KDM4C: variants seen among roughly 807,000 people sequenced by gnomAD.
KDM4C encodes lysine demethylase 4C.
A neutral mutation model predicts 129.3 loss-of-function variants in KDM4C; 81 were observed. The ratio of observed to expected loss-of-function variants is 0.63; its 90% CI spans 0.52 to 0.75. KDM4C has a LOEUF of 0.75. Ranked by LOEUF, KDM4C falls within the 30% of genes least tolerant of loss-of-function variation. The pLI, the probability that KDM4C is intolerant of heterozygous loss-of-function variation, is 0.00. For missense variants in KDM4C, 1,457 were observed against 1,304.0 expected (o/e 1.12, Z -1.81); for synonymous variants, 573 against 456.1 (o/e 1.26, Z -3.26).
At chr9:6,853,432 G>A (rs999000126) in intron 5 of KDM4C, among the ~76,000 whole-genome samples, 1 of 152,174 alleles carries the variant, frequency 6.6e-6, no homozygotes, top group Non-Finnish European at 1.5e-5. Flanking sequence ...GGTCAAGGCT[G>A]CAGTGATCCG....
intron 17 of KDM4C, among the ~76,000 whole-genome samples, chr9:7,069,351 T>C (rs1832888158): frequency 6.6e-6 from 1 of 152,200 alleles, no homozygotes; most frequent in Non-Finnish European, 1.5e-5. Flanking sequence ...CATATTTAAT[T>C]GCCAGGAAAG....
In KDM4C at chr9:6,986,491, A is replaced by T; in HGVS notation, c.1502A>T (p.Asp501Val). ...GGCTATGAGAAGCCCGAGAAATCAG[A>T]CCCATCCGAGCTTTCATGGCCAAAG... ...SSGYEKPEKSDPSELSWPKSP... is the reference protein window; with the variant it reads ...SSGYEKPEKSVPSELSWPKSP... Residue 501 changes from aspartate (D) to valine (V), a missense_variant, in exon 11 of 22, where the codon GAC becomes GTC. Asp to Val is a radical substitution (Grantham distance 152). Transcript: ENST00000381309. 6.2e-7 allele frequency: 1 copy of T among 1,614,120 alleles called. No homozygotes were observed. The highest frequency in any genetic ancestry group is 1.1e-5 in the South Asian group (1 of 91,072).
intron 18 of KDM4C, among the ~76,000 whole-genome samples, chr9:7,125,210 A>G (rs934978039): frequency 4.6e-5 from 7 of 152,158 alleles, no homozygotes; most frequent in Non-Finnish European, 7.3e-5. Context: ...TCCCCACAAC[A>G]GAATGGCTGT....
intron 1 of KDM4C, among the ~76,000 whole-genome samples, chr9:6,783,581 C>T (rs1280700194): frequency 1.3e-5 from 2 of 152,058 alleles, no homozygotes; most frequent in African/African-American, 4.8e-5. Context: ...CAGAAAGAGA[C>T]TTGCAGCATA....
chr9:6,857,952 TG>T (rs1297126580), intron 5 of KDM4C, among the ~76,000 whole-genome samples: 2 of 124,490 alleles, frequency 1.6e-5, no homozygotes, highest in East Asian at 4.8e-4. Context: ...TTTTTAGAGA[TG>T]GGGTTTTGCT....
At chr9:6,759,743 A>G (rs1426905925) in intron 1 of KDM4C, among the ~76,000 whole-genome samples, 1 of 152,048 alleles carries the variant, frequency 6.6e-6, no homozygotes, top group African/African-American at 2.4e-5. Context: ...ACCTGAGGTC[A>G]GGAGTTCAAG....
intron 4 of KDM4C, among the ~76,000 whole-genome samples, chr9:6,847,330 G>T (rs1838016452): frequency 6.6e-6 from 1 of 152,112 alleles, no homozygotes; most frequent in African/African-American, 2.4e-5. Context: ...AATAGAATGA[G>T]ATAAAATATT....
intron 8 of KDM4C, among the ~76,000 whole-genome samples, chr9:6,934,621 G>A (rs1824401523): frequency 6.6e-6 from 1 of 151,736 alleles, no homozygotes; most frequent in African/African-American, 2.4e-5. Flanking sequence ...GCGCCACCAT[G>A]CCTAGCTAAT....
At chr9:6,957,533 A>G (rs368327259) in intron 8 of KDM4C, among the ~76,000 whole-genome samples, 17 of 152,174 alleles carry the variant, frequency 1.1e-4, no homozygotes, top group African/African-American at 4.1e-4. Flanking sequence ...AATAGCAGCC[A>G]CAGTGGTAGT....
chr9:6,901,982 A>G (rs552109349), intron 8 of KDM4C, among the ~76,000 whole-genome samples: 3 of 152,276 alleles, frequency 2.0e-5, no homozygotes, highest in South Asian at 4.1e-4. Context: ...TAAGGGACAA[A>G]CATTTGCATT....
chr9:6,765,095 A>G (rs182150859), intron 1 of KDM4C, among the ~76,000 whole-genome samples: 74 of 152,012 alleles, frequency 4.9e-4, no homozygotes, highest in African/African-American at 1.6e-3. Context: ...CCTCCCTCCA[A>G]TCTCTTTCCA....
rs901760940 is a variant in KDM4C, at chr9:7,004,433, T to A, written c.1787-7265T>A. Among the ~76,000 whole-genome samples the A allele has an allele frequency of 2.0e-5, 3 of 152,218 alleles. No homozygotes were observed. In the East Asian group the frequency reaches 5.8e-4, roughly 29 times the overall value. On this transcript the variant is annotated intron_variant, in intron 12 of 21. Transcript: ENST00000381309. ...AGACATTTAACCTTTTAAATAGAAT[T>A]GGCAATGTTCCCTATACATGGTTTT... is the stretch of plus-strand genomic sequence containing the variant.
At chr9:6,998,883 G>A (rs996130260) in intron 12 of KDM4C, among the ~76,000 whole-genome samples, 4 of 152,122 alleles carry the variant, frequency 2.6e-5, no homozygotes, top group African/African-American at 9.7e-5. Flanking sequence ...GGTCCTATGT[G>A]TGTTTTCCCA....
At chr9:6,770,367 G>A (rs986088345) in intron 1 of KDM4C, among the ~76,000 whole-genome samples, 1 of 152,108 alleles carries the variant, frequency 6.6e-6, no homozygotes, top group Non-Finnish European at 1.5e-5. Flanking sequence ...AACTTGTCAA[G>A]CTGTCAACTT....
At chr9:6,982,010 C>G (rs1445465912) in intron 9 of KDM4C, 1 of 153,422 alleles carries the variant, frequency 6.5e-6, no homozygotes, top group South Asian at 2.1e-4. Flanking sequence ...TATTATATAT[C>G]TTTCCAAAAT....
chr9:7,158,339 T>G (rs941129903), intron 19 of KDM4C, among the ~76,000 whole-genome samples: 2 of 152,058 alleles, frequency 1.3e-5, no homozygotes, highest in African/African-American at 4.8e-5. Flanking sequence ...TTTTAAGGGT[T>G]TTTTGTGTCT....
At chr9:6,896,003 AT>A (rs1375191871) in intron 8 of KDM4C, among the ~76,000 whole-genome samples, 10 of 152,090 alleles carry the variant, frequency 6.6e-5, no homozygotes, top group Admixed American at 5.2e-4. Flanking sequence ...TTTGACACAT[AT>A]TTTTGATCTC....
chr9:7,110,930 AT>A (rs1838251183), intron 18 of KDM4C, among the ~76,000 whole-genome samples: 1 of 152,214 alleles, frequency 6.6e-6, no homozygotes, highest in Non-Finnish European at 1.5e-5. Flanking sequence ...CATCAAAAAT[AT>A]GGCTTAGCAC....
intron 8 of KDM4C, among the ~76,000 whole-genome samples, chr9:6,932,144 C>G (rs58213169): frequency 0.25 from 38,413 of 152,056 alleles, 5,360 homozygotes; most frequent in South Asian, 0.39. Flanking sequence ...TGTCATCAGG[C>G]ATGTACTTCA....
Sources: allele counts gnomAD v4.1 joint callset (sites outside exome capture counted in the v4.1 genomes callset), GRCh38; gene constraint gnomAD v4.1.1; transcripts MANE v1.5; gene names NCBI Gene and HGNC (gene_info 2026-07-23, HGNC 2026-07-21).